The following PXDNL variants were observed in gnomAD, a reference collection of about 807,000 sequenced individuals.
The protein encoded by PXDNL is peroxidasin like.
PXDNL carries 145 observed loss-of-function variants against 150.8 expected under a neutral mutation model. The ratio of observed to expected loss-of-function variants is 0.96; its 90% confidence interval spans 0.84 to 1.10. The LOEUF (loss-of-function observed/expected upper bound fraction) is 1.10, where lower values mean the gene tolerates loss of function less well. PXDNL is among the 50% of genes least tolerant of loss of function. The probability of loss-of-function intolerance (pLI) is 0.00; values close to 1 mark genes in which losing one functional copy is unlikely to be tolerated. For missense variants in PXDNL, 2,087 were observed against 1,873.9 expected (o/e 1.11, Z -2.10); for synonymous variants, 757 against 725.7 (o/e 1.04, Z -0.69).
chr8:51,514,243 G>T (rs957843434), intron 4 of PXDNL, among the ~76,000 whole-genome samples: 1 of 152,182 alleles, frequency 6.6e-6, no homozygotes, highest in Non-Finnish European at 1.5e-5. Context: ...GGAAGGGAAA[G>T]ATACTAGGAC....
chr8:51,469,564 T>C (rs1224109653), intron 8 of PXDNL, among the ~76,000 whole-genome samples: 2 of 152,056 alleles, frequency 1.3e-5, no homozygotes, highest in Admixed American at 1.3e-4. Context: ...TCTGGTTGTG[T>C]CTAATCAGTT....
intron 3 of PXDNL, among the ~76,000 whole-genome samples, chr8:51,586,971 G>T (rs1365147493): frequency 6.6e-6 from 1 of 152,094 alleles, no homozygotes; most frequent in Non-Finnish European, 1.5e-5. Context: ...CTAGTTTATC[G>T]TAAACATGCA....
At chr8:51,786,522 G>A (rs573636817) in intron 1 of PXDNL, among the ~76,000 whole-genome samples, 5 of 131,548 alleles carry the variant, frequency 3.8e-5, no homozygotes, top group Admixed American at 8.0e-5. Context: ...CTCACTCCCC[G>A]ACCCCCATCC....
intron 2 of PXDNL, among the ~76,000 whole-genome samples, chr8:51,599,366 A>G (rs556763695): frequency 6.6e-6 from 1 of 151,894 alleles, no homozygotes; most frequent in African/African-American, 2.4e-5. Flanking sequence ...TGAGGTAGGC[A>G]TTTATTGCTC....
chr8:51,400,240 A>ATCTC (rs1808206599), intron 17 of PXDNL, among the ~76,000 whole-genome samples: 1 of 152,176 alleles, frequency 6.6e-6, no homozygotes, highest in African/African-American at 2.4e-5. Context: ...TAAAAGATAT[A>ATCTC]TTGCAGCTGA....
intron 2 of PXDNL, among the ~76,000 whole-genome samples, chr8:51,605,554 AT>A (rs1813820887): frequency 6.6e-6 from 1 of 152,182 alleles, no homozygotes; most frequent in Non-Finnish European, 1.5e-5. Context: ...AATTTGCTAA[AT>A]ACATTTTAAA....
At chr8:51,586,188 G>GA (rs1378210545) in intron 3 of PXDNL, among the ~76,000 whole-genome samples, 3 of 152,182 alleles carry the variant, frequency 2.0e-5, no homozygotes, top group African/African-American at 4.8e-5. Flanking sequence ...GCAAGGCGTG[G>GA]AAAGCACTCA....
At chr8:51,639,009 C>T (rs919451515) in intron 2 of PXDNL, among the ~76,000 whole-genome samples, 13 of 152,160 alleles carry the variant, frequency 8.5e-5, no homozygotes, top group African/African-American at 2.2e-4. Flanking sequence ...GTCTCTCAGA[C>T]GACAGTACAA....
chr8:51,757,383 T>C (rs893991116), intron 1 of PXDNL, among the ~76,000 whole-genome samples: 4 of 152,196 alleles, frequency 2.6e-5, no homozygotes, highest in South Asian at 4.1e-4. Flanking sequence ...GTGCCCATCA[T>C]CTGCACCCGT....
chr8:51,600,159 G>A lies in PXDNL; in HGVS notation c.237-7461C>T, dbSNP rs185622716. On this transcript the variant is annotated intron_variant, in intron 2 of 22. Coordinates refer to ENST00000356297, the MANE Select transcript of PXDNL (RefSeq NM_144651.5). The stretch of plus-strand genomic sequence containing the variant: ...AATTATACCTTATATAAATTATATC[G>A]TTTAGATAATAAATTATACCTTATA... Among the ~76,000 whole-genome samples, 447 of 142,964 alleles carry A rather than the reference G, an allele frequency of 3.1e-3. 27 individuals carry two copies. The highest frequency in any genetic ancestry group is 6.3e-3 in the African/African-American group (245 of 39,146). 93.8% of individuals were successfully genotyped at this position (142,964 alleles called of 152,430 possible). A position where few individuals can be genotyped will look rare whatever the true frequency, so the allele number is the denominator to read the frequency against.
chr8:51,737,646 T>TCTGCCTCTGAGACAGTTCTCCATC (rs1817065159), intron 1 of PXDNL, among the ~76,000 whole-genome samples: 2 of 152,236 alleles, frequency 1.3e-5, no homozygotes, highest in African/African-American at 4.8e-5. Context: ...ACTTATTCAT[T>TCTGCCTCTGAGACAGTTCTCCATC]CTGCCTCTGA....
chr8:51,386,866 G>C (rs1236244908), intron 17 of PXDNL, among the ~76,000 whole-genome samples: 3 of 150,952 alleles, frequency 2.0e-5, no homozygotes, highest in Non-Finnish European at 4.4e-5. Flanking sequence ...TGTCAGCCAA[G>C]TGACAAGCAT....
intron 12 of PXDNL, 43 bp from the exon 13 acceptor site, chr8:51,426,801 T>G (rs752433957): frequency 6.7e-6 from 8 of 1,187,414 alleles, no homozygotes; most frequent in Non-Finnish European, 6.1e-6. Flanking sequence ...AATAATATCA[T>G]TTTTGTCAAC....
At chr8:51,605,167 T>C (rs1421157059) in intron 2 of PXDNL, among the ~76,000 whole-genome samples, 1 of 152,192 alleles carries the variant, frequency 6.6e-6, no homozygotes, top group Non-Finnish European at 1.5e-5. Flanking sequence ...ATATTTATGA[T>C]AGATATAATG....
intron 5 of PXDNL, among the ~76,000 whole-genome samples, chr8:51,491,945 GA>G (rs1810905368): frequency 6.6e-6 from 1 of 152,198 alleles, no homozygotes; most frequent in Admixed American, 6.5e-5. Flanking sequence ...AGCAGAAAAG[GA>G]GTAGTATAAC....
At chr8:51,350,589 A>G (rs2130717635) in intron 19 of PXDNL, among the ~76,000 whole-genome samples, 1 of 152,048 alleles carries the variant, frequency 6.6e-6, no homozygotes, top group African/African-American at 2.4e-5. Flanking sequence ...TCCTGACCTC[A>G]GGTGATCCGC....
intron 17 of PXDNL, among the ~76,000 whole-genome samples, chr8:51,392,699 A>C (rs1389597064): frequency 1.3e-5 from 2 of 152,134 alleles, no homozygotes; most frequent in Non-Finnish European, 1.5e-5. Context: ...GAACAATTTG[A>C]CTTCCTCTTT....
At position 51,700,258 on chromosome 8, in the gene PXDNL, AACACAC is replaced by A. The variant is rs71237230; in HGVS notation, c.165-45504_165-45499del. On this transcript the variant is annotated intron_variant, in intron 1 of 22. Coordinates refer to ENST00000356297, the MANE Select transcript of PXDNL (RefSeq NM_144651.5). ...ATACATACCCACACATATACACTCAAACACACACACACACACATATATACATACATA... is the reference window on the plus strand; with the variant it reads ...ATACATACCCACACATATACACTCAAACACACACACATATATACATACATA... Among the ~76,000 whole-genome samples, 134 of 150,600 alleles carry A rather than the reference AACACAC, an allele frequency of 8.9e-4. 1 individual carries two copies. Among genetic ancestry groups the A allele is most frequent in the Admixed American group, 1.7e-3 (26 of 15,136 alleles).
chr8:51,466,762 G>A (rs561945977), intron 8 of PXDNL, among the ~76,000 whole-genome samples: 1 of 152,284 alleles, frequency 6.6e-6, no homozygotes, highest in Non-Finnish European at 1.5e-5. Flanking sequence ...CCCACAGGAA[G>A]GCACACAGGC....
Sources: allele counts gnomAD v4.1 joint callset (sites outside exome capture counted in the v4.1 genomes callset), GRCh38; gene constraint gnomAD v4.1.1; transcripts MANE v1.5; gene names NCBI Gene and HGNC (gene_info 2026-07-23, HGNC 2026-07-21).